The following NEGR1 variants were observed in gnomAD, a reference collection of about 807,000 sequenced individuals.
NEGR1 encodes the protein neuronal growth regulator 1.
NEGR1 carries 10 observed loss-of-function variants against 40.9 expected under a neutral mutation model. That is an observed-to-expected ratio of 0.24 (90% CI 0.15 to 0.42). The LOEUF (loss-of-function observed/expected upper bound fraction) is 0.42. Ranked by LOEUF, NEGR1 falls within the 10% of genes least tolerant of loss-of-function variation. The pLI is 1.00. For missense variants in NEGR1, 352 were observed against 438.9 expected (o/e 0.80, Z 1.77); for synonymous variants, 185 against 166.8 (o/e 1.11, Z -0.84).
intron 4 of NEGR1, among the ~76,000 whole-genome samples, chr1:71,628,589 G>A (rs1176837890): frequency 4.0e-5 from 6 of 150,152 alleles, no homozygotes; most frequent in South Asian, 4.3e-4. Flanking sequence ...GACAGGCCCC[G>A]TCGTGTGATA....
At chr1:71,425,644 CCA>C (rs1479414110) in intron 6 of NEGR1, among the ~76,000 whole-genome samples, 1 of 152,104 alleles carries the variant, frequency 6.6e-6, no homozygotes, top group East Asian at 1.9e-4. Flanking sequence ...GTGCACCCCT[CCA>C]CACACTTTTT....
chr1:71,565,645 A>G (rs756930927), intron 6 of NEGR1, among the ~76,000 whole-genome samples: 4 of 152,174 alleles, frequency 2.6e-5, no homozygotes. Flanking sequence ...GTGCAGAGAC[A>G]GAAAAATGAA....
chr1:72,015,506 C>A (rs1193744840), intron 1 of NEGR1, among the ~76,000 whole-genome samples: 1 of 151,808 alleles, frequency 6.6e-6, no homozygotes, highest in Non-Finnish European at 1.5e-5. Context: ...AATAAAATGA[C>A]CATTATTATT....
At chr1:71,766,196 G>T (rs1478656367) in intron 3 of NEGR1, among the ~76,000 whole-genome samples, 1 of 147,950 alleles carries the variant, frequency 6.8e-6, no homozygotes, top group Non-Finnish European at 1.5e-5. Flanking sequence ...AAAAAGAAGA[G>T]ATCTGAGTCT....
At chr1:72,195,040 T>C (rs1652953170) in intron 1 of NEGR1, among the ~76,000 whole-genome samples, 1 of 152,054 alleles carries the variant, frequency 6.6e-6, no homozygotes, top group African/African-American at 2.4e-5. Flanking sequence ...CATCTTTCTG[T>C]CAATCTTACC....
chr1:71,503,126 G>A (rs547477804), intron 6 of NEGR1, among the ~76,000 whole-genome samples: 1 of 152,170 alleles, frequency 6.6e-6, no homozygotes, highest in East Asian at 1.9e-4. Context: ...CAGGGACAAG[G>A]AAAAGTTAAA....
intron 1 of NEGR1, among the ~76,000 whole-genome samples, chr1:72,168,101 G>A (rs1400220601): frequency 6.6e-6 from 1 of 151,434 alleles, no homozygotes; most frequent in Non-Finnish European, 1.5e-5. Flanking sequence ...CACCTCCCAG[G>A]TTCAAGGGTT....
chr1:72,014,718 A>G (rs1043657344), intron 1 of NEGR1, among the ~76,000 whole-genome samples: 1 of 152,098 alleles, frequency 6.6e-6, no homozygotes, highest in Non-Finnish European at 1.5e-5. Context: ...CAATATTAAC[A>G]TATATTATCA....
At chr1:71,547,100 T>C (rs1476832870) in intron 6 of NEGR1, among the ~76,000 whole-genome samples, 12 of 151,734 alleles carry the variant, frequency 7.9e-5, no homozygotes, top group Admixed American at 5.3e-4. Context: ...TGGGGGACAA[T>C]TGTGTCCACC....
chr1:71,585,114 C>T (rs1249699417), intron 6 of NEGR1, among the ~76,000 whole-genome samples: 1 of 152,048 alleles, frequency 6.6e-6, no homozygotes, highest in African/African-American at 2.4e-5. Flanking sequence ...CATTAAGATG[C>T]ATTTTTTTGT....
intron 1 of NEGR1, among the ~76,000 whole-genome samples, chr1:71,999,350 T>G (rs1032771457): frequency 6.6e-6 from 1 of 151,750 alleles, no homozygotes; most frequent in African/African-American, 2.4e-5. Flanking sequence ...ACAGACAGTC[T>G]TGAGATTATT....
chr1:71,689,637 A>G (rs1653183920), intron 4 of NEGR1, among the ~76,000 whole-genome samples: 1 of 152,052 alleles, frequency 6.6e-6, no homozygotes, highest in Non-Finnish European at 1.5e-5. Context: ...CAATCCATAT[A>G]TTTAAAATGT....
intron 1 of NEGR1, among the ~76,000 whole-genome samples, chr1:72,192,448 T>C (rs1229454749): frequency 1.3e-5 from 2 of 151,846 alleles, no homozygotes; most frequent in Admixed American, 1.3e-4. Flanking sequence ...AGGAACAACA[T>C]CAGAAAATAT....
At chr1:71,452,524 G>GA (rs1569889827) in intron 6 of NEGR1, among the ~76,000 whole-genome samples, 1 of 152,082 alleles carries the variant, frequency 6.6e-6, no homozygotes, top group Non-Finnish European at 1.5e-5. Flanking sequence ...GAATTCACTG[G>GA]AAAAAATATG....
At chr1:71,595,818 A>G (rs1477962841) in intron 5 of NEGR1, among the ~76,000 whole-genome samples, 2 of 152,166 alleles carry the variant, frequency 1.3e-5, no homozygotes, top group Non-Finnish European at 2.9e-5. Context: ...CACAGCTAGA[A>G]GCTCCAGCAT....
At chr1:71,709,428 C>A (rs692957) in intron 3 of NEGR1, among the ~76,000 whole-genome samples, 2 of 152,162 alleles carry the variant, frequency 1.3e-5, no homozygotes, top group Non-Finnish European at 2.9e-5. Context: ...TCATGTTTGT[C>A]GGCCACATGT....
chr1:71,741,708 G>A (rs1655219136), intron 3 of NEGR1, among the ~76,000 whole-genome samples: 1 of 152,158 alleles, frequency 6.6e-6, no homozygotes, highest in South Asian at 2.1e-4. Flanking sequence ...AAAGAAAGGA[G>A]GTTTAATTGG....
chr1:71,509,442 C>T (rs1466989696), intron 6 of NEGR1, among the ~76,000 whole-genome samples: 1 of 152,202 alleles, frequency 6.6e-6, no homozygotes, highest in Non-Finnish European at 1.5e-5. Flanking sequence ...ATCCGACATG[C>T]CACTGGTGAG....
At chr1:71,812,495 C>G (rs745837419) in intron 2 of NEGR1, among the ~76,000 whole-genome samples, 6 of 152,150 alleles carry the variant, frequency 3.9e-5, no homozygotes, top group Non-Finnish European at 8.8e-5. Context: ...AATAGTTGAA[C>G]TAATTTACAC....
Sources: allele counts gnomAD v4.1 joint callset (sites outside exome capture counted in the v4.1 genomes callset), GRCh38; gene constraint gnomAD v4.1.1; transcripts MANE v1.5; gene names NCBI Gene and HGNC (gene_info 2026-07-23, HGNC 2026-07-21).